Variants in TENM2 observed in about 807,000 individuals in gnomAD.
The protein encoded by TENM2 is teneurin transmembrane protein 2.
TENM2 carries 52 observed loss-of-function variants against 245.2 expected under a neutral mutation model. The observed-to-expected ratio is 0.21, with a 90% CI of 0.17 to 0.27. TENM2 has a LOEUF of 0.27. TENM2 is among the 10% of genes least tolerant of loss of function. The pLI, the probability that TENM2 is intolerant of heterozygous loss-of-function variation, is 1.00. For missense variants in TENM2, 3,046 were observed against 3,666.8 expected (o/e 0.83, Z 4.37); for synonymous variants, 1,363 against 1,438.9 (o/e 0.95, Z 1.19).
chr5:168,021,462 C>G (rs1322401413), intron 5 of TENM2, among the ~76,000 whole-genome samples: 1 of 152,266 alleles, frequency 6.6e-6, no homozygotes, highest in African/African-American at 2.4e-5. Flanking sequence ...CCTCAAGTCA[C>G]TGGGTTCTTG....
At chr5:167,917,752 G>A (rs769506094) in intron 3 of TENM2, among the ~76,000 whole-genome samples, 3 of 152,154 alleles carry the variant, frequency 2.0e-5, no homozygotes, top group African/African-American at 7.2e-5. Flanking sequence ...ACTGAAAGGG[G>A]TCTCACACTT....
the TENM2 span, among the ~76,000 whole-genome samples, chr5:167,272,359 C>G: frequency 1.3e-5 from 2 of 152,152 alleles, no homozygotes; most frequent in African/African-American, 4.8e-5. Flanking sequence ...TTATCCATTA[C>G]ATTTTCTTAA....
the TENM2 span, among the ~76,000 whole-genome samples, chr5:167,232,399 G>T: frequency 6.6e-6 from 1 of 151,076 alleles, no homozygotes; most frequent in Non-Finnish European, 1.5e-5. Context: ...CCAAGACAGA[G>T]TCTCACTCTG....
rs58929279 is a variant in TENM2 at position 167,288,558 on chromosome 5, C to CAAAA, written c.226+3508_226+3511dup. 5.3e-5 allele frequency among the ~76,000 whole-genome samples: 5 copies of CAAAA among 93,676 alleles called. No homozygotes were observed. The Admixed American group carries it at 6.7e-4, about 13-fold the overall frequency. 61.5% of individuals were successfully genotyped at this position (93,676 alleles called of 152,430 possible). ...TGGGCGACAGAGCGAGACTCCGTCT[C>CAAAA]AAAAAAAAAAAAAAAAGAAAAAGAA... On this transcript the variant is annotated intron_variant, in intron 1 of 28. Transcript: ENST00000518659.
At chr5:167,035,363 A>AT in the TENM2 span, among the ~76,000 whole-genome samples, 1 of 152,232 alleles carries the variant, frequency 6.6e-6, no homozygotes, top group Non-Finnish European at 1.5e-5. Context: ...TAATATGACC[A>AT]AATGTGTAAT....
intron 2 of TENM2, among the ~76,000 whole-genome samples, chr5:167,687,541 C>T (rs1423864771): frequency 1.3e-5 from 2 of 152,052 alleles, no homozygotes; most frequent in Non-Finnish European, 2.9e-5. Context: ...TCCAGGCTCA[C>T]GTTGATGGAT....
the TENM2 span, among the ~76,000 whole-genome samples, chr5:167,063,002 T>G: frequency 1.3e-5 from 2 of 152,238 alleles, no homozygotes; most frequent in Non-Finnish European, 2.9e-5. Context: ...CTTCTAGTCA[T>G]AGATGTTGAG....
the TENM2 span, among the ~76,000 whole-genome samples, chr5:167,187,933 CT>C: frequency 6.6e-6 from 1 of 152,120 alleles, no homozygotes; most frequent in Non-Finnish European, 1.5e-5. Flanking sequence ...ATTTCTCCCC[CT>C]GGCAGAGGCT....
intron 2 of TENM2, among the ~76,000 whole-genome samples, chr5:167,872,811 C>T (rs1335832126): frequency 6.6e-6 from 1 of 152,258 alleles, no homozygotes. Context: ...ATAAATTAAA[C>T]AGCAGCTCTC....
At chr5:167,452,366 A>G (rs990834993) in intron 2 of TENM2, among the ~76,000 whole-genome samples, 2 of 152,140 alleles carry the variant, frequency 1.3e-5, no homozygotes, top group Non-Finnish European at 2.9e-5. Flanking sequence ...TCAGGGATAT[A>G]GTTGTCAGAC....
At chr5:168,170,455 G>A (rs903050433) in intron 13 of TENM2, among the ~76,000 whole-genome samples, 1 of 152,070 alleles carries the variant, frequency 6.6e-6, no homozygotes, top group African/African-American at 2.4e-5. Context: ...AGTGAGGCAA[G>A]ATCGCACCAC....
the TENM2 span, among the ~76,000 whole-genome samples, chr5:167,113,623 A>G: frequency 1.3e-5 from 2 of 150,920 alleles, no homozygotes; most frequent in Non-Finnish European, 2.9e-5. Flanking sequence ...ATCCTGGGCA[A>G]CAGAGCGAGA....
chr5:167,492,074 G>A (rs1768464915), intron 2 of TENM2, among the ~76,000 whole-genome samples: 1 of 152,118 alleles, frequency 6.6e-6, no homozygotes, highest in African/African-American at 2.4e-5. Flanking sequence ...AAAACTTATT[G>A]CTCTATGTTG....
At chr5:167,046,089 G>A in the TENM2 span, among the ~76,000 whole-genome samples, 1 of 152,012 alleles carries the variant, frequency 6.6e-6, no homozygotes, top group Admixed American at 6.5e-5. Context: ...TTACTGTCTT[G>A]CTTTCAAGTA....
intron 2 of TENM2, among the ~76,000 whole-genome samples, chr5:167,604,228 A>C (rs1023374117): frequency 1.3e-5 from 2 of 152,250 alleles, no homozygotes; most frequent in Admixed American, 6.5e-5. Context: ...AGAAATATTT[A>C]TCAAGAAGGG....
At chr5:168,193,922 T>C (rs1300817835) in intron 14 of TENM2, among the ~76,000 whole-genome samples, 1 of 152,202 alleles carries the variant, frequency 6.6e-6, no homozygotes, top group Non-Finnish European at 1.5e-5. Context: ...AGGCAGCCAG[T>C]AGCAGACAAT....
intron 2 of TENM2, among the ~76,000 whole-genome samples, chr5:167,568,107 A>G (rs1365539729): frequency 1.3e-5 from 2 of 152,194 alleles, no homozygotes; most frequent in African/African-American, 4.8e-5. Flanking sequence ...GGTATGAGAT[A>G]TCCAAAGGCA....
chr5:167,827,633 G>GC (rs1373910719), intron 2 of TENM2, among the ~76,000 whole-genome samples: 1 of 120,030 alleles, frequency 8.3e-6, no homozygotes, highest in African/African-American at 3.1e-5. Context: ...GTGGGCGGGG[G>GC]GGGGGGAACA....
At chr5:167,723,869 A>G (rs547022714) in intron 2 of TENM2, among the ~76,000 whole-genome samples, 1 of 152,312 alleles carries the variant, frequency 6.6e-6, no homozygotes, top group East Asian at 1.9e-4. Context: ...CCCTTTATTT[A>G]GCAAAATGGG....
Sources: gnomAD v4.1 joint callset for allele counts (sites outside exome capture counted in the v4.1 genomes callset) on GRCh38, gnomAD v4.1.1 for gene constraint, MANE v1.5 for transcripts, NCBI Gene and HGNC (gene_info 2026-07-23, HGNC 2026-07-21) for gene names.